Variants in ZYG11B observed in about 807,000 individuals in gnomAD.
ZYG11B encodes the protein zyg-11 family member B, cell cycle regulator.
Under a neutral mutation model 82.4 loss-of-function variants are expected in ZYG11B, and 36 were observed. That is an observed-to-expected ratio of 0.44 (90% CI 0.33 to 0.58). ZYG11B has a LOEUF of 0.58. Ranked by LOEUF, ZYG11B falls within the 20% of genes least tolerant of loss-of-function variation. ZYG11B has a pLI of 0.02. For missense variants in ZYG11B, 552 were observed against 895.6 expected (o/e 0.62, Z 4.90); for synonymous variants, 303 against 312.8 (o/e 0.97, Z 0.33).
intron 1 of ZYG11B, among the ~76,000 whole-genome samples, chr1:52,731,545 A>G (rs900319552): frequency 1.3e-5 from 2 of 152,190 alleles, no homozygotes; most frequent in African/African-American, 4.8e-5. Flanking sequence ...TATAAAAATC[A>G]TTGATAAAGA....
intron 8 of ZYG11B, among the ~76,000 whole-genome samples, chr1:52,800,534 C>T (rs767629426): frequency 2.0e-5 from 3 of 151,740 alleles, no homozygotes; most frequent in Non-Finnish European, 4.4e-5. Flanking sequence ...GTAGGCTGGG[C>T]ACAGTGGCTC....
chr1:52,795,138 G>A (rs1644996951), intron 6 of ZYG11B, among the ~76,000 whole-genome samples: 1 of 152,186 alleles, frequency 6.6e-6, no homozygotes, highest in African/African-American at 2.4e-5. Flanking sequence ...CCTGGTGGGA[G>A]GTGATTGGAT....
chr1:52,745,557 C>A (rs1644468750), intron 1 of ZYG11B, among the ~76,000 whole-genome samples: 1 of 152,074 alleles, frequency 6.6e-6, no homozygotes, highest in Admixed American at 6.6e-5. Context: ...ATGGCTCTAA[C>A]CTGGTGGTTT....
intron 5 of ZYG11B, among the ~76,000 whole-genome samples, chr1:52,787,068 C>T (rs1246444115): frequency 2.0e-5 from 3 of 147,412 alleles, no homozygotes; most frequent in Non-Finnish European, 3.0e-5. Flanking sequence ...CCAGCTTGGG[C>T]AACAAGAGCG....
chr1:52,740,917 C>T lies in ZYG11B; in HGVS notation c.30+14234C>T, dbSNP rs555944416. On this transcript the variant is annotated intron_variant, in intron 1 of 13. Coordinates refer to ENST00000294353, the MANE Select transcript of ZYG11B (RefSeq NM_024646.3). ...GTCTGTAAAATGATTGCAGTTGGGG[C>T]GGGGGAGGGTAAGGGATTAGATCAT... 8.8e-4 allele frequency among the ~76,000 whole-genome samples: 60 copies of T among 68,002 alleles called. 1 individual carries two copies. The highest frequency in any genetic ancestry group is 2.8e-3 in the Admixed American group (19 of 6,876). The allele number at this position is 68,002 out of a possible 152,430, so 44.6% of individuals were successfully genotyped here. A position where few individuals can be genotyped will look rare whatever the true frequency, so the allele number is the denominator to read the frequency against.
intron 1 of ZYG11B, among the ~76,000 whole-genome samples, chr1:52,749,865 A>C (rs773982832): frequency 2.0e-5 from 3 of 151,994 alleles, no homozygotes; most frequent in African/African-American, 7.2e-5. Flanking sequence ...ATCAATTTTC[A>C]AAATACAGAG....
chr1:52,751,627 C>T (rs892925246), intron 1 of ZYG11B, among the ~76,000 whole-genome samples: 10 of 151,952 alleles, frequency 6.6e-5, no homozygotes, highest in Admixed American at 5.2e-4. Context: ...AGCAAGACTC[C>T]GTCTCAAAAA....
rs199605472 is a variant in ZYG11B, at chr1:52,801,802, GTTT to G, written c.1486-6_1486-4del. On this transcript the variant is annotated splice_polypyrimidine_tract_variant and intron_variant, in intron 8 of 13. Transcript: ENST00000294353. ...AGTTCAAAAGTGAAAACTTATTTCTGTTTTTTTTTTTTTCAGCAACTTCTTCAA... is the reference window on the plus strand; with the variant it reads ...AGTTCAAAAGTGAAAACTTATTTCTGTTTTTTTTTTCAGCAACTTCTTCAA... 10 of 1,361,686 alleles carry G rather than the reference GTTT, an allele frequency of 7.3e-6. No individual in the cohort carries two copies. The highest frequency in any genetic ancestry group is 4.9e-5 in the East Asian group (2 of 40,734). The allele number at this position is 1,361,686 out of a possible 1,614,324, so 84.4% of individuals were successfully genotyped here. A position where few individuals can be genotyped will look rare whatever the true frequency, so the allele number is the denominator to read the frequency against.
At chr1:52,798,994 A>G (rs1341774807) in intron 8 of ZYG11B, among the ~76,000 whole-genome samples, 2 of 152,164 alleles carry the variant, frequency 1.3e-5, no homozygotes, top group African/African-American at 2.4e-5. Context: ...ATAAATATGT[A>G]TAAAGTACCC....
rs189563530 is a variant in ZYG11B at position 52,820,572 on chromosome 1, C to T, written c.2045-867C>T. Among the ~76,000 whole-genome samples, 364 of 151,532 alleles carry T rather than the reference C, an allele frequency of 2.4e-3. 2 individuals carry two copies. Among genetic ancestry groups the T allele is most frequent in the African/African-American group, 8.4e-3 (347 of 41,318 alleles). On this transcript the variant is annotated intron_variant, in intron 13 of 13. Coordinates refer to ENST00000294353, the MANE Select transcript of ZYG11B (RefSeq NM_024646.3). ...CTGAGGAAGGAGAATTGCTTGAACC[C>T]GGGAGGCAGAGGTTGCAGTGAGCCA...
rs1167077685 is a variant in ZYG11B at position 52,821,720 on chromosome 1, T to G, written c.*91T>G. On this transcript the variant is annotated 3_prime_UTR_variant, in exon 14 of 14. Transcript: ENST00000294353. ...TTACCCTCCCTGATGTTTTGGGGGTTTCTATGACAAGAGTCATAAAATCAG... is the reference window on the plus strand; with the variant it reads ...TTACCCTCCCTGATGTTTTGGGGGTGTCTATGACAAGAGTCATAAAATCAG... The G allele has an allele frequency of 2.4e-6, 3 of 1,254,262 alleles. No homozygotes were observed. Among genetic ancestry groups the G allele is most frequent in the Non-Finnish European group, 2.2e-6 (2 of 907,562 alleles). 77.7% of individuals were successfully genotyped at this position (1,254,262 alleles called of 1,614,324 possible).
At chr1:52,820,717 A>G (rs1645276108) in intron 13 of ZYG11B, among the ~76,000 whole-genome samples, 2 of 48,160 alleles carry the variant, frequency 4.2e-5, no homozygotes, top group African/African-American at 2.4e-4. Flanking sequence ...CTGTCTTTAA[A>G]AAAAAAAAAA....
At chr1:52,775,157 T>C (rs10888755) in intron 3 of ZYG11B, among the ~76,000 whole-genome samples, 89,711 of 151,492 alleles carry the variant, frequency 0.59, 29,295 homozygotes, top group East Asian at 0.97. Flanking sequence ...TCTTCCAGGC[T>C]TCTAACTGTT....
Position 52,821,753 on chromosome 1 carries a change from T to C in ZYG11B, c.*124T>C, listed in dbSNP as rs968234307. 1.1e-6 allele frequency: 1 copy of C among 908,386 alleles called. No individual in the cohort carries two copies. The highest frequency in any genetic ancestry group is 1.7e-5 in the African/African-American group (1 of 59,706). 56.3% of individuals were successfully genotyped at this position (908,386 alleles called of 1,614,324 possible). ...CAAGAGTCATAAAATCAGTTTGGGA[T>C]TGATAATGTGTAGTACTGCCCATGT... On this transcript the variant is annotated 3_prime_UTR_variant, in exon 14 of 14. Transcript: ENST00000294353.
chr1:52,746,918 C>G (rs1256468549), intron 1 of ZYG11B, among the ~76,000 whole-genome samples: 1 of 149,228 alleles, frequency 6.7e-6, no homozygotes, highest in Admixed American at 6.7e-5. Context: ...ACTCCCCCCT[C>G]CATCCTTTCC....
At chr1:52,756,378 T>A in intron 1 of ZYG11B, 80 bp from the exon 2 acceptor site, 1 of 1,367,968 alleles carries the variant, frequency 7.3e-7, no homozygotes, top group Non-Finnish European at 1.0e-6. Context: ...AATGAGTAAA[T>A]GAATGTTTTG....
intron 2 of ZYG11B, among the ~76,000 whole-genome samples, chr1:52,759,997 A>C (rs111937601): frequency 0.02 from 3,015 of 152,092 alleles, 104 homozygotes; most frequent in African/African-American, 0.068. Flanking sequence ...CACTTGGATA[A>C]TTTTTGTATT....
chr1:52,806,131 CTTTG>C (rs1358108074), intron 10 of ZYG11B, among the ~76,000 whole-genome samples: 2 of 151,876 alleles, frequency 1.3e-5, no homozygotes, highest in South Asian at 2.1e-4. Flanking sequence ...AGAGAATATG[CTTTG>C]TTTGGTTTGA....
chr1:52,796,685 C>A, intron 7 of ZYG11B, 49 bp from the exon 8 acceptor site: 2 of 1,465,720 alleles, frequency 1.4e-6, no homozygotes, highest in Non-Finnish European at 1.9e-6. Context: ...ATATTAAACT[C>A]ACATTAATGA....
Sources: allele counts gnomAD v4.1 joint callset (sites outside exome capture counted in the v4.1 genomes callset), GRCh38; gene constraint gnomAD v4.1.1; transcripts MANE v1.5; gene names NCBI Gene and HGNC (gene_info 2026-07-23, HGNC 2026-07-21).